The following NCLN variants were observed in gnomAD, a reference collection of about 807,000 sequenced individuals.
The protein encoded by NCLN is nicalin.
In NCLN, 34 loss-of-function variants were observed where a neutral mutation model predicts 69.5. That is an observed-to-expected ratio of 0.49 (90% confidence interval 0.37 to 0.65). NCLN has a LOEUF of 0.65. Ranked by LOEUF, NCLN falls within the 30% of genes least tolerant of loss-of-function variation. The pLI is 0.00. For synonymous variants in NCLN, 393 were observed against 358.3 expected, an observed-to-expected ratio of 1.10 and a Z score of -1.09; for missense variants, 710 against 804.8, an observed-to-expected ratio of 0.88 and a Z score of 1.42.
Position 3,205,811 on chromosome 19 carries a change from A to G in NCLN, c.1209-128A>G, listed in dbSNP as rs1350802388. The G allele has an allele frequency of 2.4e-6, 2 of 848,950 alleles. No individual in the cohort carries two copies. Among genetic ancestry groups the G allele is most frequent in the Admixed American group, 2.3e-5 (1 of 42,834 alleles). The allele number at this position is 848,950 out of a possible 1,614,324, so 52.6% of individuals were successfully genotyped here. A position where few individuals can be genotyped will look rare whatever the true frequency, so the allele number is the denominator to read the frequency against. On this transcript the variant is annotated intron_variant, in intron 9 of 14. Transcript: ENST00000246117. This position sits in a 1 kb window ranked among gnomAD's most constrained non-coding sequence, Gnocchi z 4.6. The stretch of plus-strand genomic sequence containing the variant: ...TAGCCAAGTAGTTAAAGCTAAGCTT[A>G]ATTTTTTTTTTTTTTTAAAGACAGA...
At position 3,186,096 on chromosome 19, in the gene NCLN, C is replaced by T. The variant is rs1159760857; in HGVS notation, c.66C>T (p.Phe22=). Residue 22 remains phenylalanine, a synonymous_variant, in exon 1 of 15, where the codon TTC becomes TTT. Transcript: ENST00000246117. ...MLKASCLPLG[F]IVFLPAVLLL... The stretch of plus-strand genomic sequence containing the variant: ...AGGCGTCTTGTCTGCCGCTCGGCTT[C>T]ATCGTCTTCCTGCCCGCTGTGCTGC... 6.2e-7 allele frequency: 1 copy of T among 1,600,056 alleles called. No individual in the cohort carries two copies. The highest frequency in any genetic ancestry group is 1.4e-5 in the African/African-American group (1 of 72,438).
At chr19:3,194,403 C>T (rs1473153639) in intron 3 of NCLN, among the ~76,000 whole-genome samples, 1 of 152,138 alleles carries the variant, frequency 6.6e-6, no homozygotes, top group Admixed American at 6.5e-5. Flanking sequence ...AAGTTTCATC[C>T]TACACAGCCA....
intron 4 of NCLN, 120 bp from the exon 5 acceptor site, chr19:3,198,697 C>G (rs311620): frequency 0.41 from 289,300 of 705,726 alleles, 59,872 homozygotes; most frequent in East Asian, 0.5. Flanking sequence ...AGTGCTGAGG[C>G]CGATGCTGGC....
In NCLN at chr19:3,206,166, C is replaced by G. The variant is rs1302851032; in HGVS notation, c.1311C>G (p.Asp437Glu). 6.8e-7 allele frequency: 1 copy of G among 1,467,256 alleles called. No individual in the cohort carries two copies. The highest frequency in any genetic ancestry group is 1.5e-5 in the African/African-American group (1 of 68,492). 90.9% of individuals were successfully genotyped at this position (1,467,256 alleles called of 1,614,324 possible). ...YNLTEKGTPP[D>E]MPVFTEQMQI... is the part of the protein sequence containing the mutation. ...TCTCTCCGCAGGGGACACCCCCAGA[C>G]ATGCCGGTGTTCACAGAGCAGATGG... is the stretch of plus-strand genomic sequence containing the variant. The change falls in exon 11 of 15, where the codon GAC becomes GAG. Residue 437 changes from aspartate (D) to glutamate (E), a missense_variant. Transcript: ENST00000246117.
chr19:3,192,484 G>A lies in NCLN; in HGVS notation c.199G>A (p.Val67Met), dbSNP rs1456961850. 1.9e-6 allele frequency: 3 copies of A among 1,603,306 alleles called. No homozygotes were observed. The African/African-American group carries it at 4.0e-5, about 22-fold the overall frequency. ...TGTGCCCACAGGCACACGGAATGCA[G>A]TGCTGAACACGGAGGCGCGCACGAT... ...QGQPYGTRNA[V>M]LNTEARTMAA... is the part of the protein sequence containing the mutation. The change falls in exon 2 of 15, where the codon GTG (valine) becomes ATG (methionine). Residue 67 changes from valine to methionine, a missense_variant. Coordinates refer to ENST00000246117, the MANE Select transcript of NCLN (RefSeq NM_020170.4).
intron 13 of NCLN, 32 bp from the exon 14 acceptor site, chr19:3,207,359 C>T: frequency 4.3e-6 from 7 of 1,612,978 alleles, no homozygotes; most frequent in African/African-American, 1.3e-5. Flanking sequence ...CGCGCACCAT[C>T]CTCGACCTCA....
intron 1 of NCLN, among the ~76,000 whole-genome samples, chr19:3,191,173 G>A (rs1227339446): frequency 8.6e-5 from 13 of 152,028 alleles, no homozygotes; most frequent in African/African-American, 3.1e-4. Context: ...TGGGGGGTCC[G>A]TGTGCAGCTC....
In NCLN at chr19:3,204,754, G is replaced by A. The variant is rs539925067; in HGVS notation, c.1208+3G>A. 2 of 1,497,106 alleles carry A rather than the reference G, an allele frequency of 1.3e-6. No homozygotes were observed. The highest frequency in any genetic ancestry group is 2.6e-5 in the South Asian group (2 of 75,782). The allele number at this position is 1,497,106 out of a possible 1,614,324, so 92.7% of individuals were successfully genotyped here. On this transcript the variant is annotated splice_donor_region_variant and intron_variant, in intron 9 of 14. Coordinates refer to ENST00000246117, the MANE Select transcript of NCLN (RefSeq NM_020170.4). ...CGCAGCAGCATCATGGACGTGCGGT[G>A]AGCGCGGCAGCACCTGCCCGGCCCC...
At position 3,201,509 on chromosome 19, in the gene NCLN, T is replaced by C. The variant is rs1380075949; in HGVS notation, c.697-14T>C. ...GCGGGGGTGACTGTGGCCTTGCCTCTCCCGTCCCTGTAGTGGCTGTCGCTG... is the reference window on the plus strand; with the variant it reads ...GCGGGGGTGACTGTGGCCTTGCCTCCCCCGTCCCTGTAGTGGCTGTCGCTG... On this transcript the variant is annotated splice_polypyrimidine_tract_variant and intron_variant, in intron 5 of 14. Transcript: ENST00000246117. 7.1e-6 allele frequency: 11 copies of C among 1,543,408 alleles called. No homozygotes were observed. Among genetic ancestry groups the C allele is most frequent in the East Asian group, 2.4e-5 (1 of 41,904 alleles).
chr19:3,204,524 G>A, intron 8 of NCLN, 49 bp from the exon 9 acceptor site: 2 of 1,484,650 alleles, frequency 1.3e-6, no homozygotes, highest in East Asian at 2.5e-5. Flanking sequence ...ATGGGCTGGG[G>A]TGGCCGCCAT....
At chr19:3,188,111 AC>A (rs1439482229) in intron 1 of NCLN, among the ~76,000 whole-genome samples, 2 of 151,542 alleles carry the variant, frequency 1.3e-5, no homozygotes. Context: ...CACCCCAAAG[AC>A]CCCACTCCTA....
Position 3,207,746 on chromosome 19 carries a change from G to A in NCLN, c.*58G>A, listed in dbSNP as rs1485471147. The A allele has an allele frequency of 5.6e-5, 83 of 1,481,934 alleles. No homozygotes were observed. Among genetic ancestry groups the A allele is most frequent in the Non-Finnish European group, 6.9e-5 (73 of 1,064,416 alleles). 91.8% of individuals were successfully genotyped at this position (1,481,934 alleles called of 1,614,324 possible). A position where few individuals can be genotyped will look rare whatever the true frequency, so the allele number is the denominator to read the frequency against. ...CTCCACAGTCCCTGGGGCCGAGCACGAGTGAGTGGACACTGCCCCGCCGCG... is the reference window on the plus strand; with the variant it reads ...CTCCACAGTCCCTGGGGCCGAGCACAAGTGAGTGGACACTGCCCCGCCGCG... On this transcript the variant is annotated 3_prime_UTR_variant, in exon 15 of 15. Transcript: ENST00000246117.
chr19:3,190,532 GC>G (rs1915792055), intron 1 of NCLN, among the ~76,000 whole-genome samples: 1 of 152,220 alleles, frequency 6.6e-6, no homozygotes, highest in Non-Finnish European at 1.5e-5. Flanking sequence ...ACTCATGCAC[GC>G]CCCTGGCCCC....
At chr19:3,203,604 C>T (rs1045813758) in intron 6 of NCLN, 152 bp from the exon 7 acceptor site, 32 of 674,658 alleles carry the variant, frequency 4.7e-5, no homozygotes, top group Non-Finnish European at 7.3e-5. Flanking sequence ...TCCACAGGGC[C>T]GAGGGGTCAT....
intron 5 of NCLN, among the ~76,000 whole-genome samples, chr19:3,199,281 C>T (rs569287414): frequency 5.3e-5 from 8 of 152,360 alleles, no homozygotes; most frequent in African/African-American, 1.4e-4. Context: ...AAGGCGCGTG[C>T]GGTGAGTTGG....
intron 5 of NCLN, among the ~76,000 whole-genome samples, chr19:3,200,661 G>A (rs542295507): frequency 3.9e-5 from 6 of 152,034 alleles, no homozygotes; most frequent in Non-Finnish European, 7.4e-5. Context: ...ATTTTAGAGC[G>A]TACGAGTGGG....
At chr19:3,188,130 A>G (rs576265848) in intron 1 of NCLN, among the ~76,000 whole-genome samples, 3 of 152,030 alleles carry the variant, frequency 2.0e-5, no homozygotes, top group East Asian at 1.9e-4. Flanking sequence ...CTAGAGCTCG[A>G]GATACCCTGT....
chr19:3,201,645 AG>A lies in NCLN; in HGVS notation c.800+24del. The stretch of plus-strand genomic sequence containing the variant: ...ACGCCGCGTGAGTGCCGGGGTGGGC[AG>A]GGGGATGGGGGTGCGGGGGCCACAC... On this transcript the variant is annotated intron_variant, in intron 6 of 14. Transcript: ENST00000246117. 3.0e-6 allele frequency: 2 copies of A among 670,062 alleles called. No homozygotes were observed. Among genetic ancestry groups the A allele is most frequent in the Non-Finnish European group, 4.8e-6 (2 of 415,516 alleles). 41.5% of individuals were successfully genotyped at this position (670,062 alleles called of 1,614,324 possible). A position where few individuals can be genotyped will look rare whatever the true frequency, so the allele number is the denominator to read the frequency against.
intron 8 of NCLN, 38 bp from the exon 9 acceptor site, chr19:3,204,535 C>G (rs1916210519): frequency 6.7e-7 from 1 of 1,491,134 alleles, no homozygotes; most frequent in Non-Finnish European, 9.0e-7. Context: ...TGGCCGCCAT[C>G]CCCGCCTGCC....
Sources: gnomAD v4.1 joint callset for allele counts (sites outside exome capture counted in the v4.1 genomes callset) on GRCh38, gnomAD v4.1.1 for gene constraint, Gnocchi (gnomAD v3.1) non-coding constraint, MANE v1.5 for transcripts, NCBI Gene and HGNC (gene_info 2026-07-23, HGNC 2026-07-21) for gene names.